CSMD1: variants seen among roughly 807,000 people sequenced by gnomAD.
The protein encoded by CSMD1 is CUB and Sushi multiple domains 1, also known as CUB and sushi domain-containing protein 1.
CSMD1 carries 213 observed loss-of-function variants against 417.5 expected under a neutral mutation model. The ratio of observed to expected loss-of-function variants is 0.51; its 90% confidence interval spans 0.46 to 0.57. CSMD1 has a LOEUF of 0.57. CSMD1 is among the 20% of genes least tolerant of loss of function. CSMD1 has a pLI of 0.00. For synonymous variants in CSMD1, 2,862 were observed against 1,736.8 expected (o/e 1.65, Z -16.11); for missense variants, 6,923 against 4,529.7 (o/e 1.53, Z -15.17).
At chr8:3,349,905 T>TG (rs1554522120) in intron 21 of CSMD1, among the ~76,000 whole-genome samples, 1 of 141,338 alleles carries the variant, frequency 7.1e-6, no homozygotes, top group African/African-American at 2.6e-5. Flanking sequence ...AATATATATT[T>TG]ATATATATTT....
intron 1 of CSMD1, among the ~76,000 whole-genome samples, chr8:4,695,471 C>G (rs1218743258): frequency 2.0e-5 from 3 of 152,162 alleles, no homozygotes; most frequent in Admixed American, 6.5e-5. Flanking sequence ...CAGTTGTTGC[C>G]TCTCCTTTAT....
At chr8:3,569,311 T>A (rs570686175) in intron 10 of CSMD1, among the ~76,000 whole-genome samples, 23 of 152,322 alleles carry the variant, frequency 1.5e-4, no homozygotes, top group African/African-American at 5.5e-4. Flanking sequence ...GATGCTAAGA[T>A]TCCGCAAGTA....
intron 26 of CSMD1, among the ~76,000 whole-genome samples, chr8:3,282,962 A>G (rs536678445): frequency 9.9e-5 from 15 of 152,242 alleles, no homozygotes; most frequent in South Asian, 4.1e-4. Context: ...ATAATATGGC[A>G]TCTCTCCACG....
chr8:4,602,629 G>T (rs532742173), intron 2 of CSMD1, among the ~76,000 whole-genome samples: 1 of 152,270 alleles, frequency 6.6e-6, no homozygotes, highest in East Asian at 1.9e-4. Flanking sequence ...GTTTGAAGGC[G>T]TATTTTCTTA....
At chr8:4,645,521 G>C (rs1014153108) in intron 1 of CSMD1, among the ~76,000 whole-genome samples, 1 of 134,440 alleles carries the variant, frequency 7.4e-6, no homozygotes, top group Middle Eastern at 5.1e-3. Flanking sequence ...TGATTAATTT[G>C]CTGCATGGAG....
chr8:3,441,510 TACAC>T (rs71199578), intron 12 of CSMD1, among the ~76,000 whole-genome samples: 6,557 of 146,808 alleles, frequency 0.045, 341 homozygotes, highest in East Asian at 0.2. Context: ...TATATATATA[TACAC>T]ACACACACAC....
intron 5 of CSMD1, among the ~76,000 whole-genome samples, chr8:3,895,432 G>C (rs1212950563): frequency 6.6e-6 from 1 of 152,028 alleles, no homozygotes; most frequent in Non-Finnish European, 1.5e-5. Flanking sequence ...TAACACAACA[G>C]TGTCAATCCA....
intron 6 of CSMD1, among the ~76,000 whole-genome samples, chr8:3,713,465 G>A (rs1426809643): frequency 6.6e-6 from 1 of 152,104 alleles, no homozygotes; most frequent in Non-Finnish European, 1.5e-5. Flanking sequence ...TAGCCCCTGG[G>A]AAAGCTCAGC....
chr8:3,080,707 T>C (rs927571070), intron 49 of CSMD1, among the ~76,000 whole-genome samples: 35 of 152,284 alleles, frequency 2.3e-4, no homozygotes, highest in African/African-American at 8.4e-4. Flanking sequence ...TTGGCATGCA[T>C]GTAATATCTG....
chr8:3,555,195 G>A (rs141309666), intron 10 of CSMD1, among the ~76,000 whole-genome samples: 118 of 152,078 alleles, frequency 7.8e-4, no homozygotes, highest in Admixed American at 4.1e-3. Context: ...GGAGGTGTAG[G>A]GAAAGATGGA....
intron 3 of CSMD1, among the ~76,000 whole-genome samples, chr8:4,309,144 GC>G (rs1490658244): frequency 6.6e-6 from 1 of 152,020 alleles, no homozygotes; most frequent in East Asian, 1.9e-4. Flanking sequence ...GCACACACAG[GC>G]CAATTCAACA....
intron 17 of CSMD1, among the ~76,000 whole-genome samples, chr8:3,389,463 G>A (rs1040598143): frequency 2.6e-5 from 4 of 152,098 alleles, no homozygotes; most frequent in Non-Finnish European, 1.5e-5. Context: ...CTCAAAAGAA[G>A]AAGCTCTGCT....
intron 3 of CSMD1, among the ~76,000 whole-genome samples, chr8:4,317,921 CAAG>C (rs534570729): frequency 5.9e-5 from 9 of 152,068 alleles, no homozygotes; most frequent in Non-Finnish European, 8.8e-5. Flanking sequence ...AACAAAATGT[CAAG>C]AATGATGTAA....
intron 3 of CSMD1, among the ~76,000 whole-genome samples, chr8:4,119,816 G>T (rs187163754): frequency 6.7e-4 from 102 of 152,310 alleles, no homozygotes; most frequent in African/African-American, 2.4e-3. Context: ...TGCAATTTAT[G>T]ATTTTAAAAC....
chr8:4,721,698 C>T (rs1809064187), intron 1 of CSMD1, among the ~76,000 whole-genome samples: 3 of 152,152 alleles, frequency 2.0e-5, no homozygotes. Flanking sequence ...AGCAATCCCC[C>T]TGTTGTATCT....
intron 27 of CSMD1, among the ~76,000 whole-genome samples, chr8:3,227,790 C>A (rs1798602663): frequency 6.8e-6 from 1 of 148,068 alleles, no homozygotes. Flanking sequence ...TTTTTTGAGA[C>A]AGAGTCTCAC....
At chr8:4,418,828 C>T (rs76164039) in intron 3 of CSMD1, among the ~76,000 whole-genome samples, 8,045 of 152,226 alleles carry the variant, frequency 0.053, 257 homozygotes, top group Middle Eastern at 0.065. Context: ...TAGACCCTTT[C>T]CAGCCACTGA....
intron 1 of CSMD1, among the ~76,000 whole-genome samples, chr8:4,971,846 A>G (rs1179523288): frequency 6.6e-6 from 1 of 152,092 alleles, no homozygotes; most frequent in Non-Finnish European, 1.5e-5. Flanking sequence ...ATTAATTTTA[A>G]TTCAGGAAGA....
intron 5 of CSMD1, among the ~76,000 whole-genome samples, chr8:3,792,992 C>T (rs1799833684): frequency 6.6e-6 from 1 of 152,106 alleles, no homozygotes; most frequent in Non-Finnish European, 1.5e-5. Context: ...TCCACTCTAC[C>T]ACAGGTGTGA....
Sources: allele counts gnomAD v4.1 joint callset (sites outside exome capture counted in the v4.1 genomes callset), GRCh38; gene constraint gnomAD v4.1.1; transcripts MANE v1.5; gene names NCBI Gene and HGNC (gene_info 2026-07-23, HGNC 2026-07-21).